The following CEP192 variants were observed in gnomAD, a reference collection of about 807,000 sequenced individuals.
CEP192 encodes the protein centrosomal protein 192.
Under a neutral mutation model 271.8 loss-of-function variants are expected in CEP192, and 151 were observed. The observed-to-expected ratio is 0.56, with a 90% CI of 0.49 to 0.64. The LOEUF is 0.64. CEP192 is among the 30% of genes least tolerant of loss of function. The probability of loss-of-function intolerance (pLI) is 0.00; values close to 1 mark genes in which losing one functional copy is unlikely to be tolerated. For missense variants in CEP192, 2,910 were observed against 3,020.5 expected (o/e 0.96, Z 0.86); for synonymous variants, 995 against 1,076.5 (o/e 0.92, Z 1.48).
Position 13,124,809 on chromosome 18 carries a change from G to T in CEP192, c.*39G>T. 6.7e-7 allele frequency: 1 copy of T among 1,489,048 alleles called. No homozygotes were observed. Among genetic ancestry groups the T allele is most frequent in the South Asian group, 1.2e-5 (1 of 84,792 alleles). The allele number at this position is 1,489,048 out of a possible 1,614,324, so 92.2% of individuals were successfully genotyped here. ...TTGTGTAAAGTAAATTACATAAGTT[G>T]TATTTTGTTAACTTTATCTTTCTAC... On this transcript the variant is annotated 3_prime_UTR_variant, in exon 45 of 45. Coordinates refer to ENST00000506447, the MANE Select transcript of CEP192 (RefSeq NM_032142.4).
chr18:13,038,629 T>G, intron 13 of CEP192, 50 bp downstream of exon 13: 1 of 1,357,826 alleles, frequency 7.4e-7, no homozygotes, highest in Non-Finnish European at 1.0e-6. Context: ...ATTTTAGATT[T>G]TGAGTATTAT....
Position 12,999,658 on chromosome 18 carries a change from T to C in CEP192, c.164+70T>C, listed in dbSNP as rs144986916. On this transcript the variant is annotated intron_variant, in intron 2 of 44. Transcript: ENST00000506447. ...ATAGCATGCTGATATTTATGTTCTG[T>C]TTCTCAGTCAAGCTTGAGCTTTTTG... 2.9e-4 allele frequency: 336 copies of C among 1,159,444 alleles called. 1 individual carries two copies. In the African/African-American group the frequency reaches 5.0e-3, roughly 17 times the overall value. The allele number at this position is 1,159,444 out of a possible 1,614,324, so 71.8% of individuals were successfully genotyped here. A position where few individuals can be genotyped will look rare whatever the true frequency, so the allele number is the denominator to read the frequency against.
intron 42 of CEP192, among the ~76,000 whole-genome samples, chr18:13,115,516 A>G (rs1475257753): frequency 6.6e-6 from 1 of 152,106 alleles, no homozygotes; most frequent in Non-Finnish European, 1.5e-5. Flanking sequence ...ATGATCAGGT[A>G]TGCGTGTGTA....
intron 28 of CEP192, 132 bp downstream of exon 28, chr18:13,071,344 T>A: frequency 1.4e-6 from 1 of 708,954 alleles, no homozygotes; most frequent in East Asian, 2.7e-5. Context: ...TGGAAAAACC[T>A]AGATGGGCAC....
chr18:13,053,470 C>G (rs555361434), intron 18 of CEP192, among the ~76,000 whole-genome samples: 1 of 152,048 alleles, frequency 6.6e-6, no homozygotes. Context: ...AGTTAGGCAG[C>G]GGGGAAGCAG....
intron 40 of CEP192, among the ~76,000 whole-genome samples, chr18:13,111,334 C>T (rs1239380158): frequency 1.3e-5 from 2 of 152,102 alleles, no homozygotes; most frequent in East Asian, 3.9e-4. Context: ...ACCATGTTAG[C>T]CAGGATGGTC....
intron 5 of CEP192, among the ~76,000 whole-genome samples, chr18:13,013,378 C>T (rs2034470740): frequency 6.6e-6 from 1 of 152,068 alleles, no homozygotes; most frequent in African/African-American, 2.4e-5. Flanking sequence ...GCCTGAGTGT[C>T]TGGAATGGTT....
At chr18:12,993,984 T>TG (rs2033052585) in intron 1 of CEP192, among the ~76,000 whole-genome samples, 1 of 152,220 alleles carries the variant, frequency 6.6e-6, no homozygotes, top group African/African-American at 2.4e-5. Context: ...CCCAAGAAGC[T>TG]GCTCTTCTAA....
chr18:13,083,900 T>C (rs1328350378), intron 30 of CEP192, among the ~76,000 whole-genome samples: 4 of 152,180 alleles, frequency 2.6e-5, no homozygotes, highest in Non-Finnish European at 5.9e-5. Context: ...TGTTGGAGTT[T>C]GCTGGAGGTA....
chr18:13,058,011 A>G (rs2037206142), intron 20 of CEP192: 2 of 196,064 alleles, frequency 1.0e-5, no homozygotes, highest in African/African-American at 4.6e-5. Context: ...AATCATCAAA[A>G]GTTCTGAGTT....
In CEP192 at chr18:13,011,079, T is replaced by C. The variant is rs188759061; in HGVS notation, c.467-1894T>C. Among the ~76,000 whole-genome samples, 510 of 151,578 alleles carry C rather than the reference T, an allele frequency of 3.4e-3. 3 individuals are homozygous for C. Among genetic ancestry groups the C allele is most frequent in the African/African-American group, 0.012 (492 of 41,350 alleles). On this transcript the variant is annotated intron_variant, in intron 4 of 44. Transcript: ENST00000506447. ...CTGCCTCTACTAAAACTACAAAAATTAGCTGGGCGTGGTGGCGGGCGCCTG... is the reference window on the plus strand; with the variant it reads ...CTGCCTCTACTAAAACTACAAAAATCAGCTGGGCGTGGTGGCGGGCGCCTG...
chr18:13,002,455 G>A (rs890558522), intron 3 of CEP192, among the ~76,000 whole-genome samples: 7 of 152,164 alleles, frequency 4.6e-5, no homozygotes, highest in Middle Eastern at 3.4e-3. Context: ...TATTATAAAG[G>A]TAATGAACTT....
chr18:13,056,715 CTAT>C lies in CEP192; in HGVS notation c.4108+26_4108+28del. The C allele has an allele frequency of 6.5e-7, 1 of 1,536,874 alleles. No individual in the cohort carries two copies. The highest frequency in any genetic ancestry group is 8.8e-7 in the Non-Finnish European group (1 of 1,140,288). On this transcript the variant is annotated intron_variant, in intron 19 of 44. Coordinates refer to ENST00000506447, the MANE Select transcript of CEP192 (RefSeq NM_032142.4). ...CAGGATTGGGTAAGATGCTTTTTCT[CTAT>C]TATTATTACTTGCTATTATTTTCTC...
At chr18:13,069,369 G>A (rs1039566813) in intron 26 of CEP192, among the ~76,000 whole-genome samples, 188 bp downstream of exon 26, 7 of 152,186 alleles carry the variant, frequency 4.6e-5, no homozygotes, top group African/African-American at 1.7e-4. Context: ...TGCTTTTTAA[G>A]TTTAAAGTTC....
At chr18:13,102,128 C>T (rs1029813258) in intron 38 of CEP192, among the ~76,000 whole-genome samples, 2 of 152,124 alleles carry the variant, frequency 1.3e-5, no homozygotes, top group African/African-American at 4.8e-5. Context: ...TCCTGCAGCT[C>T]CTGCCACCCC....
At chr18:13,054,734 CT>C (rs1162204716) in intron 18 of CEP192, among the ~76,000 whole-genome samples, 1 of 152,126 alleles carries the variant, frequency 6.6e-6, no homozygotes, top group East Asian at 1.9e-4. Context: ...GTCTTTGTTT[CT>C]TAGTGTCTTT....
intron 38 of CEP192, among the ~76,000 whole-genome samples, chr18:13,100,770 G>A (rs553183666): frequency 1.4e-4 from 21 of 152,312 alleles, no homozygotes; most frequent in Non-Finnish European, 2.2e-4. Flanking sequence ...CTGTGCAACT[G>A]TCACCAGATC....
At chr18:13,072,918 G>A (rs1023658590) in intron 29 of CEP192, 73 bp downstream of exon 29, 2 of 1,533,894 alleles carry the variant, frequency 1.3e-6, no homozygotes, top group African/African-American at 2.7e-5. Flanking sequence ...AGACCTTTTT[G>A]TGTTATTTAG....
intron 9 of CEP192, among the ~76,000 whole-genome samples, chr18:13,029,217 C>A (rs2035477127): frequency 6.6e-6 from 1 of 152,184 alleles, no homozygotes; most frequent in South Asian, 2.1e-4. Flanking sequence ...ACTGGACTGG[C>A]CAGGGCCATT....
Sources: gnomAD v4.1 joint callset for allele counts (sites outside exome capture counted in the v4.1 genomes callset) on GRCh38, gnomAD v4.1.1 for gene constraint, MANE v1.5 for transcripts, NCBI Gene and HGNC (gene_info 2026-07-23, HGNC 2026-07-21) for gene names.